The following GRIP1 variants were observed in gnomAD, a reference collection of about 807,000 sequenced individuals.
GRIP1 encodes glutamate receptor interacting protein 1.
In GRIP1, 45 loss-of-function variants were observed where a neutral mutation model predicts 129.9. The ratio of observed to expected loss-of-function variants is 0.35; its 90% CI spans 0.27 to 0.44. The LOEUF is 0.44. Ranked by LOEUF, GRIP1 falls within the 20% of genes least tolerant of loss-of-function variation. The pLI is 1.00. For synonymous variants in GRIP1, 530 were observed against 520.8 expected (o/e 1.02, Z -0.24); for missense variants, 1,196 against 1,396.8 (o/e 0.86, Z 2.29).
At chr12:66,571,076 T>C (rs1190494347) in intron 2 of GRIP1, 1 of 152,228 alleles carries the variant, frequency 6.6e-6, no homozygotes, top group Non-Finnish European at 1.5e-5. Flanking sequence ...TGGGTTGTCT[T>C]GGCTTGACCA....
intron 2 of GRIP1, among the ~76,000 whole-genome samples, chr12:66,587,049 C>CCTTA (rs1310443695): frequency 6.6e-6 from 1 of 152,166 alleles, no homozygotes; most frequent in Non-Finnish European, 1.5e-5. Context: ...CAGACTCATC[C>CCTTA]CTTACACCCT....
intron 1 of GRIP1, among the ~76,000 whole-genome samples, chr12:66,862,470 T>C (rs2040129310): frequency 1.3e-5 from 2 of 152,102 alleles, no homozygotes; most frequent in Admixed American, 1.3e-4. Flanking sequence ...AAGCTCTCTG[T>C]AGACTAGGCC....
intron 1 of GRIP1, among the ~76,000 whole-genome samples, chr12:66,932,547 C>T (rs934187138): frequency 6.6e-6 from 1 of 150,594 alleles, no homozygotes; most frequent in Non-Finnish European, 1.5e-5. Flanking sequence ...CTTAATTGGA[C>T]ATCAACCCTG....
intron 1 of GRIP1, among the ~76,000 whole-genome samples, chr12:67,013,902 G>A (rs767448942): frequency 1.3e-4 from 20 of 152,210 alleles, no homozygotes; most frequent in African/African-American, 3.4e-4. Context: ...AGGCCTTGGC[G>A]ATTGGTTTAG....
chr12:66,453,008 T>A (rs1288), intron 11 of GRIP1, among the ~76,000 whole-genome samples: 98,655 of 152,074 alleles, frequency 0.65, 32,795 homozygotes, highest in Middle Eastern at 0.77. Flanking sequence ...TCTGGTATGT[T>A]TATTGTGAGT....
chr12:66,663,980 G>A (rs1324392337), intron 1 of GRIP1, among the ~76,000 whole-genome samples: 1 of 152,124 alleles, frequency 6.6e-6, no homozygotes, highest in Non-Finnish European at 1.5e-5. Flanking sequence ...TTGAAGAAAG[G>A]TCCTATCACC....
At chr12:66,503,779 G>T (rs913467104) in intron 7 of GRIP1, among the ~76,000 whole-genome samples, 2 of 152,132 alleles carry the variant, frequency 1.3e-5, no homozygotes, top group Non-Finnish European at 2.9e-5. Flanking sequence ...AGAAAAGCTT[G>T]GGGGAGCCTA....
At chr12:66,567,243 C>T (rs572299273) in intron 2 of GRIP1, among the ~76,000 whole-genome samples, 3 of 152,232 alleles carry the variant, frequency 2.0e-5, no homozygotes, top group Admixed American at 2.0e-4. Flanking sequence ...ATCTTTTCTG[C>T]TTTCTCTTGT....
At chr12:66,451,381 CTGTTTTTTTTTTTTTTTTT>C (rs2058793025) in intron 11 of GRIP1, among the ~76,000 whole-genome samples, 2 of 40,740 alleles carry the variant, frequency 4.9e-5, no homozygotes, top group African/African-American at 1.9e-4. Flanking sequence ...TTATTATAAT[CTGTTTTTTTTTTTTTTTTT>C]TTTTTTTTTT....
Position 66,371,770 on chromosome 12 carries a change from C to T in GRIP1, c.2936G>A (p.Arg979Lys). The T allele has an allele frequency of 1.2e-5, 20 of 1,614,104 alleles. No individual in the cohort carries two copies. Among genetic ancestry groups the T allele is most frequent in the Non-Finnish European group, 1.7e-5 (20 of 1,179,932 alleles). The change falls in exon 23 of 25, where the codon AGG (arginine) becomes AAG (lysine). Residue 979 changes from arginine (R) to lysine (K), a missense_variant. Coordinates refer to ENST00000359742, the MANE Select transcript of GRIP1 (RefSeq NM_001366722.1). ...CATTTTTCTCAGGGTTACTGACTTC[C>T]TACCCACATCTGAAGGCAGGGTGTT... ...RSNTLPSDVG[R>K]KSVTLRKMKQ...
chr12:66,813,717 G>A (rs996820969), intron 1 of GRIP1, among the ~76,000 whole-genome samples: 5 of 152,174 alleles, frequency 3.3e-5, no homozygotes, highest in Non-Finnish European at 7.4e-5. Flanking sequence ...GGACAGGAAG[G>A]TGACCACTGT....
intron 1 of GRIP1, among the ~76,000 whole-genome samples, chr12:66,687,921 T>C (rs1345893496): frequency 6.6e-6 from 1 of 152,198 alleles, no homozygotes; most frequent in Non-Finnish European, 1.5e-5. Context: ...CCAGAACTTT[T>C]GTTAGAACTG....
chr12:66,904,394 C>A (rs375840841), intron 1 of GRIP1, among the ~76,000 whole-genome samples: 15 of 152,268 alleles, frequency 9.9e-5, no homozygotes, highest in East Asian at 9.6e-4. Context: ...AAGCAAGGAT[C>A]ACAGATGGAA....
intron 1 of GRIP1, among the ~76,000 whole-genome samples, chr12:66,894,404 C>T (rs1347199085): frequency 6.6e-6 from 1 of 152,208 alleles, no homozygotes; most frequent in Non-Finnish European, 1.5e-5. Context: ...GATTCTGAGT[C>T]AGTTGGTTGT....
intron 1 of GRIP1, among the ~76,000 whole-genome samples, chr12:66,792,901 A>G (rs1483214166): frequency 6.6e-6 from 1 of 152,156 alleles, no homozygotes; most frequent in East Asian, 1.9e-4. Flanking sequence ...AATAATATTC[A>G]CTAAAAATGC....
At chr12:66,471,575 C>CA (rs1203299531) in intron 7 of GRIP1, among the ~76,000 whole-genome samples, 3 of 152,162 alleles carry the variant, frequency 2.0e-5, no homozygotes, top group African/African-American at 7.2e-5. Context: ...CTCAATTTCC[C>CA]AGCAACCTGA....
chr12:66,852,536 A>ATATATGTGTGTATGTATGTATATGTGTG (rs2039931914), intron 1 of GRIP1, among the ~76,000 whole-genome samples: 1 of 150,206 alleles, frequency 6.7e-6, no homozygotes, highest in Non-Finnish European at 1.5e-5. Context: ...GTATATGTAT[A>ATATATGTGTGTATGTATGTATATGTGTG]TATGTATATA....
intron 1 of GRIP1, among the ~76,000 whole-genome samples, chr12:66,913,026 C>G (rs959204253): frequency 6.6e-6 from 1 of 152,218 alleles, no homozygotes; most frequent in East Asian, 1.9e-4. Flanking sequence ...ATTATAGAAG[C>G]TGAAAAACTG....
At chr12:66,661,612 G>A (rs1336824090) in intron 1 of GRIP1, among the ~76,000 whole-genome samples, 2 of 152,064 alleles carry the variant, frequency 1.3e-5, no homozygotes, top group African/African-American at 2.4e-5. Context: ...TAAACACCAT[G>A]TAACACATAT....
Sources: allele counts gnomAD v4.1 joint callset (sites outside exome capture counted in the v4.1 genomes callset), GRCh38; gene constraint gnomAD v4.1.1; transcripts MANE v1.5; gene names NCBI Gene and HGNC (gene_info 2026-07-23, HGNC 2026-07-21).